The following RASGRF2 variants were observed in gnomAD, a reference collection of about 807,000 sequenced individuals.
RASGRF2 encodes the protein Ras protein specific guanine nucleotide releasing factor 2.
A neutral mutation model predicts 151.0 loss-of-function variants in RASGRF2; 76 were observed. That is an observed-to-expected ratio of 0.50 (90% CI 0.42 to 0.61). The LOEUF (loss-of-function observed/expected upper bound fraction) is 0.61. RASGRF2 is among the 20% of genes least tolerant of loss of function. The pLI, the probability that RASGRF2 is intolerant of heterozygous loss-of-function variation, is 0.00. For synonymous variants in RASGRF2, 504 were observed against 566.5 expected (o/e 0.89, Z 1.57); for missense variants, 1,148 against 1,564.6 (o/e 0.73, Z 4.49).
At chr5:81,062,075 C>G (rs1046821554) in intron 2 of RASGRF2, among the ~76,000 whole-genome samples, 2 of 151,488 alleles carry the variant, frequency 1.3e-5, no homozygotes, top group Non-Finnish European at 2.9e-5. Flanking sequence ...CTCCTGGCCT[C>G]AAGCTATCCT....
intron 1 of RASGRF2, among the ~76,000 whole-genome samples, chr5:81,008,108 G>C (rs1178632047): frequency 6.9e-6 from 1 of 144,066 alleles, no homozygotes. Context: ...GGATGATGAT[G>C]GTTTCAGTTT....
At chr5:81,172,091 T>A (rs182945078) in intron 17 of RASGRF2, among the ~76,000 whole-genome samples, 173 of 152,240 alleles carry the variant, frequency 1.1e-3, no homozygotes, top group African/African-American at 3.9e-3. Context: ...GGGTTTTTTT[T>A]ACCATCTGTG....
At chr5:81,023,221 G>A (rs185471356) in intron 1 of RASGRF2, among the ~76,000 whole-genome samples, 1 of 152,130 alleles carries the variant, frequency 6.6e-6, no homozygotes, top group East Asian at 1.9e-4. Flanking sequence ...AAACTGATGA[G>A]AATATCCAAG....
intron 5 of RASGRF2, among the ~76,000 whole-genome samples, chr5:81,079,640 C>T (rs2112475999): frequency 6.6e-6 from 1 of 152,182 alleles, no homozygotes; most frequent in East Asian, 1.9e-4. Flanking sequence ...GATTCTTTTG[C>T]ATTTCTGTCT....
intron 15 of RASGRF2, among the ~76,000 whole-genome samples, chr5:81,116,849 G>A (rs2112553592): frequency 6.6e-6 from 1 of 152,300 alleles, no homozygotes; most frequent in South Asian, 2.1e-4. Context: ...TCAACCATAT[G>A]ATAGCATGTG....
chr5:81,076,881 TC>T (rs1400961453), intron 5 of RASGRF2, among the ~76,000 whole-genome samples: 2 of 152,248 alleles, frequency 1.3e-5, no homozygotes, highest in Non-Finnish European at 2.9e-5. Context: ...GTGAGATCAG[TC>T]AGGATGGTTG....
At chr5:81,056,502 A>G (rs556918002) in intron 2 of RASGRF2, among the ~76,000 whole-genome samples, 5 of 152,308 alleles carry the variant, frequency 3.3e-5, no homozygotes, top group South Asian at 2.1e-4. Flanking sequence ...ACAGTTTGTT[A>G]TAACTTCTGT....
chr5:81,127,543 A>G (rs1753491900), intron 17 of RASGRF2, among the ~76,000 whole-genome samples: 1 of 151,944 alleles, frequency 6.6e-6, no homozygotes, highest in Non-Finnish European at 1.5e-5. Flanking sequence ...AACAAAATAA[A>G]ATAATAATAA....
intron 18 of RASGRF2, among the ~76,000 whole-genome samples, chr5:81,200,043 G>C (rs1364917375): frequency 6.6e-6 from 1 of 151,932 alleles, no homozygotes; most frequent in Non-Finnish European, 1.5e-5. Context: ...GGCTGAGATG[G>C]GAGGGTCACT....
intron 18 of RASGRF2, among the ~76,000 whole-genome samples, chr5:81,186,394 A>G (rs1384866931): frequency 2.0e-5 from 3 of 152,154 alleles, no homozygotes; most frequent in East Asian, 1.9e-4. Context: ...TCCCATTGAC[A>G]TTATGAGCTT....
intron 5 of RASGRF2, among the ~76,000 whole-genome samples, chr5:81,078,784 T>C (rs1443489906): frequency 1.3e-5 from 2 of 152,192 alleles, no homozygotes; most frequent in Non-Finnish European, 2.9e-5. Context: ...GTGTTCAACA[T>C]AGGACAGAGA....
intron 1 of RASGRF2, among the ~76,000 whole-genome samples, chr5:80,975,212 C>T (rs1474848160): frequency 6.6e-6 from 1 of 152,022 alleles, no homozygotes; most frequent in East Asian, 1.9e-4. Flanking sequence ...CGAAAAGCTT[C>T]CCTGAGTGTC....
At chr5:80,961,089 A>C in intron 1 of RASGRF2, 63 bp downstream of exon 1, 1 of 1,386,704 alleles carries the variant, frequency 7.2e-7, no homozygotes, top group Non-Finnish European at 9.4e-7. Flanking sequence ...TGCCGTCCTA[A>C]TCCGGGGATC....
intron 1 of RASGRF2, among the ~76,000 whole-genome samples, chr5:80,990,835 G>T (rs1748625834): frequency 6.6e-6 from 1 of 152,196 alleles, no homozygotes; most frequent in South Asian, 2.1e-4. Context: ...AGTGCTGACT[G>T]TTCTAGTACA....
intron 17 of RASGRF2, among the ~76,000 whole-genome samples, chr5:81,129,638 T>C (rs181908026): frequency 6.6e-6 from 1 of 152,294 alleles, no homozygotes; most frequent in Admixed American, 6.5e-5. Context: ...AAAATATCAA[T>C]CTTGTCGATA....
chr5:81,154,300 G>C (rs893766287), intron 17 of RASGRF2, among the ~76,000 whole-genome samples: 1 of 152,166 alleles, frequency 6.6e-6, no homozygotes, highest in Non-Finnish European at 1.5e-5. Context: ...ATCCAGGCTA[G>C]AGTGCAGTGG....
chr5:81,120,961 A>C (rs557155232), intron 15 of RASGRF2, among the ~76,000 whole-genome samples: 1 of 152,276 alleles, frequency 6.6e-6, no homozygotes, highest in Admixed American at 6.5e-5. Flanking sequence ...GAATAAGTGA[A>C]ACAAATTACA....
chr5:81,195,893 G>A (rs112785113), intron 18 of RASGRF2, among the ~76,000 whole-genome samples: 63 of 152,154 alleles, frequency 4.1e-4, no homozygotes, highest in Non-Finnish European at 8.1e-4. Flanking sequence ...CTGTGTGGCC[G>A]ATATGTGACG....
At chr5:81,161,601 G>A (rs1754385278) in intron 17 of RASGRF2, among the ~76,000 whole-genome samples, 1 of 152,190 alleles carries the variant, frequency 6.6e-6, no homozygotes, top group Non-Finnish European at 1.5e-5. Context: ...TCCCTCAGGA[G>A]AACATGCTAT....
Sources: gnomAD v4.1 joint callset for allele counts (sites outside exome capture counted in the v4.1 genomes callset) on GRCh38, gnomAD v4.1.1 for gene constraint, MANE v1.5 for transcripts, NCBI Gene and HGNC (gene_info 2026-07-23, HGNC 2026-07-21) for gene names.